Variants in CALCA observed in about 807,000 individuals in gnomAD.
CALCA encodes calcitonin.
Under a neutral mutation model 6.9 loss-of-function variants are expected in CALCA, and 4 were observed. That is an observed-to-expected ratio of 0.58 (90% CI 0.29 to 1.33). The LOEUF (loss-of-function observed/expected upper bound fraction) is 1.33, where lower values mean the gene tolerates loss of function less well. Ranked by LOEUF, CALCA falls within the 40% of genes most tolerant of loss-of-function variation. CALCA has a pLI of 0.09. For synonymous variants in CALCA, 78 were observed against 70.0 expected (o/e 1.11, Z -0.57); for missense variants, 174 against 178.3 (o/e 0.98, Z 0.14).
At chr11:14,967,771 A>G (rs782234954), downstream of CALCA, 4 of 1,614,156 alleles carry the variant, frequency 2.5e-6, no homozygotes, top group Non-Finnish European at 3.4e-6. Flanking sequence ...GTTCTTCACC[A>G]CACCCCCTGA....
Position 14,971,169 on chromosome 11 carries a change from G to T in CALCA, c.24C>A (p.Pro8=). The T allele has an allele frequency of 1.2e-6, 2 of 1,614,082 alleles. No individual in the cohort carries two copies. The highest frequency in any genetic ancestry group is 1.7e-6 in the Non-Finnish European group (2 of 1,179,966). ...GGACCAAGATGCTGAGAGCCAGGAA[G>T]GGGGAGAACTTTTGGAAGCCCATGA... is the stretch of plus-strand genomic sequence containing the variant. MGFQKFS[P]FLALSILVLL... The change falls in exon 2 of 4, where the codon CCC becomes CCA. Residue 8 remains proline, a synonymous_variant. Transcript: ENST00000331587.
Position 14,968,699 on chromosome 11 carries a change from A to G in CALCA, c.*100T>C. The G allele has an allele frequency of 6.2e-7, 1 of 1,612,006 alleles. No individual in the cohort carries two copies. The highest frequency in any genetic ancestry group is 2.2e-5 in the East Asian group (1 of 44,830). On this transcript the variant is annotated 3_prime_UTR_variant, in exon 4 of 4. Coordinates refer to ENST00000331587, the MANE Select transcript of CALCA (RefSeq NM_001741.3). ...GACATCCTCTGCCACAAGGAAAGCC[A>G]CCAATACCAGCCCAAAGAGCCACCA... is the stretch of plus-strand genomic sequence containing the variant.
chr11:14,970,974 C>A (rs1434183712), intron 2 of CALCA, 133 bp downstream of exon 2: 47 of 701,722 alleles, frequency 6.7e-5, no homozygotes, highest in Non-Finnish European at 1.1e-4. Context: ...ATTTTTATAT[C>A]AAAAAATTAT....
rs1555026411 is a variant in CALCA, at chr11:14,971,106, C to A, written c.86+1G>T. Reference sequence around the variant, plus strand: ...GTGGTTCTGGCTTCAGGCTGTCTTACCTGAATGGTGCTGCATGGAGGCTGC... The same window carrying A: ...GTGGTTCTGGCTTCAGGCTGTCTTAACTGAATGGTGCTGCATGGAGGCTGC... On this transcript the variant is annotated splice_donor_variant, in intron 2 of 3. Transcript: ENST00000331587. LOFTEE classifies it high-confidence loss of function. 2 of 1,613,458 alleles carry A rather than the reference C, an allele frequency of 1.2e-6. No individual in the cohort carries two copies. The highest frequency in any genetic ancestry group is 8.5e-7 in the Non-Finnish European group (1 of 1,179,508).
chr11:14,970,568 G>A (rs1204820265), intron 2 of CALCA, among the ~76,000 whole-genome samples: 4 of 152,114 alleles, frequency 2.6e-5, no homozygotes, highest in Non-Finnish European at 5.9e-5. Context: ...TTGGCTAAAA[G>A]CAACAAAAGC....
chr11:14,969,894 G>GTA (rs781939596), intron 3 of CALCA, 41 bp downstream of exon 3: 3 of 1,612,044 alleles, frequency 1.9e-6, no homozygotes, highest in Non-Finnish European at 2.5e-6. Flanking sequence ...TGTATGCTGC[G>GTA]GGGAGAGGAG....
chr11:14,970,046 G>T lies in CALCA; in HGVS notation c.116C>A (p.Pro39Gln), dbSNP rs782622457. The change falls in exon 3 of 4, where the codon CCG becomes CAG. Residue 39 changes from proline to glutamine, a missense_variant. Coordinates refer to ENST00000331587, the MANE Select transcript of CALCA (RefSeq NM_001741.3). The stretch of plus-strand genomic sequence containing the variant: ...CGCTTCGTCCTCACTGAGCGTGGCC[G>T]GGTCTGCTGGGCTGCTCTCCAGGGC... ...RSALESSPADPATLSEDEARL... is the reference protein window; with the variant it reads ...RSALESSPADQATLSEDEARL... The T allele has an allele frequency of 6.2e-7, 1 of 1,614,232 alleles. No individual in the cohort carries two copies. The highest frequency in any genetic ancestry group is 1.7e-5 in the Admixed American group (1 of 60,028).
chr11:14,968,745 C>A lies in CALCA; in HGVS notation c.*54G>T. On this transcript the variant is annotated 3_prime_UTR_variant, in exon 4 of 4. Transcript: ENST00000331587. ...CACCAGAGAGGAACCAAACCACATG[C>A]ATCAAGTTATAGGAAGGATGCAAGA... The A allele has an allele frequency of 6.2e-7, 1 of 1,613,648 alleles. No individual in the cohort carries two copies. The highest frequency in any genetic ancestry group is 8.5e-7 in the Non-Finnish European group (1 of 1,179,864).
chr11:14,968,975 G>C lies in CALCA; in HGVS notation c.250C>G (p.Arg84Gly). The C allele has an allele frequency of 6.2e-7, 1 of 1,613,622 alleles. No homozygotes were observed. Among genetic ancestry groups the C allele is most frequent in the Non-Finnish European group, 8.5e-7 (1 of 1,180,004 alleles). ...ATGCAAGTACTCAGATTACCGCACCGCTTAGATCTGGGGCTGTCCAGGCTG... is the reference window on the plus strand; with the variant it reads ...ATGCAAGTACTCAGATTACCGCACCCCTTAGATCTGGGGCTGTCCAGGCTG... Reference protein sequence around the residue: ...GSSLDSPRSKRCGNLSTCMLG... With the variant: ...GSSLDSPRSKGCGNLSTCMLG... The change falls in exon 4 of 4, where the codon CGG becomes GGG. Residue 84 changes from arginine (R) to glycine (G), a missense_variant. Transcript: ENST00000331587.
chr11:14,968,505 G>A lies in CALCA; in HGVS notation c.*294C>T. On this transcript the variant is annotated 3_prime_UTR_variant, in exon 4 of 4. Transcript: ENST00000331587. ...ATGACCACCACAGCTCAGATCTTTG[G>A]GGAAAAATAATTTTATTCCTCAAAT... is the stretch of plus-strand genomic sequence containing the variant. 1 of 1,283,354 alleles carries A rather than the reference G, an allele frequency of 7.8e-7. No individual in the cohort carries two copies. Among genetic ancestry groups the A allele is most frequent in the South Asian group, 1.6e-5 (1 of 64,480 alleles). 79.5% of individuals were successfully genotyped at this position (1,283,354 alleles called of 1,614,324 possible). A position where few individuals can be genotyped will look rare whatever the true frequency, so the allele number is the denominator to read the frequency against.
At chr11:14,967,870 G>A (rs1238858767), downstream of CALCA, 4 of 1,614,144 alleles carry the variant, frequency 2.5e-6, no homozygotes, top group East Asian at 2.2e-5. Flanking sequence ...TTGCAGGATG[G>A]AGAAAGAAGA....
chr11:14,968,015 G>A (rs1182647105), downstream of CALCA: 4 of 838,528 alleles, frequency 4.8e-6, no homozygotes, highest in Middle Eastern at 3.4e-4. Context: ...AAATCACAAG[G>A]CCATTAGGGA....
Position 14,968,821 on chromosome 11 carries a change from C to G in CALCA, c.404G>C (p.Ser135Thr). ...DLERDHRPHV[S>T]MPQNAN is the part of the protein sequence containing the mutation. ...AGTTTAGTTGGCATTCTGGGGCATG[C>G]TAACATGAGGGCGATGGTCTCTCTC... The change falls in exon 4 of 4, where the codon AGC becomes ACC. Residue 135 changes from serine (S) to threonine (T), a missense_variant. By Grantham distance (58) the Ser-to-Thr change is moderately conservative. Transcript: ENST00000331587. 1.2e-6 allele frequency: 2 copies of G among 1,614,138 alleles called. No homozygotes were observed. The highest frequency in any genetic ancestry group is 1.7e-6 in the Non-Finnish European group (2 of 1,180,018).
In CALCA at chr11:14,968,591, C is replaced by A. The variant is rs34896084; in HGVS notation, c.*208G>T. On this transcript the variant is annotated 3_prime_UTR_variant, in exon 4 of 4. Coordinates refer to ENST00000331587, the MANE Select transcript of CALCA (RefSeq NM_001741.3). ...GATGACATCTCTGGGGGACTCAAAG[C>A]GGCCCTCATTTTCTGGTATTTTCCC... 2.7e-6 allele frequency: 4 copies of A among 1,466,444 alleles called. No homozygotes were observed. In the Admixed American group the frequency reaches 9.0e-5, roughly 33 times the overall value. The allele number at this position is 1,466,444 out of a possible 1,614,324, so 90.8% of individuals were successfully genotyped here. A position where few individuals can be genotyped will look rare whatever the true frequency, so the allele number is the denominator to read the frequency against.
downstream of CALCA, chr11:14,967,735 GAACCC>G (rs782368306): frequency 6.2e-7 from 1 of 1,614,148 alleles, no homozygotes; most frequent in Non-Finnish European, 8.5e-7. Context: ...AAAGGCTTTG[GAACCC>G]ACATTGGTGG....
chr11:14,967,775 C>A, downstream of CALCA: 1 of 1,614,198 alleles, frequency 6.2e-7, no homozygotes, highest in Non-Finnish European at 8.5e-7. Context: ...TTCACCACAC[C>A]CCCTGATCTG....
downstream of CALCA, chr11:14,967,875 A>G: frequency 6.2e-7 from 1 of 1,614,154 alleles, no homozygotes; most frequent in Non-Finnish European, 8.5e-7. Context: ...GGATGGAGAA[A>G]GAAGAGAAGA....
chr11:14,968,876 C>G lies in CALCA; in HGVS notation c.349G>C (p.Gly117Arg). 1 of 1,614,174 alleles carries G rather than the reference C, an allele frequency of 6.2e-7. No homozygotes were observed. Among genetic ancestry groups the G allele is most frequent in the Non-Finnish European group, 8.5e-7 (1 of 1,180,036 alleles). Residue 117 changes from glycine (G) to arginine (R), a missense_variant, in exon 4 of 4, where the codon GGA becomes CGA. Gly to Arg is a moderately radical substitution (Grantham distance 125). Coordinates refer to ENST00000331587, the MANE Select transcript of CALCA (RefSeq NM_001741.3). ...TCGCTGGACATATCCCTTTTCTTTC[C>G]AGGTGCTCCAACCCCAATTGCAGTT... Reference protein sequence around the residue: ...PQTAIGVGAPGKKRDMSSDLE... With the variant: ...PQTAIGVGAPRKKRDMSSDLE...
chr11:14,968,497 G>C, downstream of CALCA: 1 of 1,265,802 alleles, frequency 7.9e-7, no homozygotes. Context: ...CCACAGCTCA[G>C]ATCTTTGGGG....
Sources: allele counts gnomAD v4.1 joint callset (sites outside exome capture counted in the v4.1 genomes callset), GRCh38; gene constraint gnomAD v4.1.1; transcripts MANE v1.5; gene names NCBI Gene and HGNC (gene_info 2026-07-23, HGNC 2026-07-21).